PLSCR3: variants seen among roughly 807,000 people sequenced by gnomAD.
PLSCR3 encodes PL scramblase 3.
In PLSCR3, 17 loss-of-function variants were observed where a neutral mutation model predicts 33.7. The observed-to-expected ratio is 0.50, with a 90% CI of 0.35 to 0.76. The LOEUF (loss-of-function observed/expected upper bound fraction) is 0.76, where lower values mean the gene tolerates loss of function less well. Among genes scored for constraint, PLSCR3 ranks in the 30% least tolerant of loss-of-function variants. The pLI is 0.01. For synonymous variants in PLSCR3, 166 were observed against 166.0 expected (o/e 1.00, Z 0.00); for missense variants, 360 against 394.1 (o/e 0.91, Z 0.73).
chr17:7,392,903 G>A lies in PLSCR3; in HGVS notation c.557C>T (p.Thr186Ile), dbSNP rs773919382. The change falls in exon 6 of 8, where the codon ACC (threonine) becomes ATC (isoleucine). Residue 186 changes from threonine to isoleucine, a missense_variant. Coordinates refer to ENST00000619711, the MANE Select transcript of PLSCR3 (RefSeq NM_020360.4). Reference sequence around the variant, plus strand: ...GAACTTGGGGAGGAAGGGATGCCAGGTCTGTAGCACGTGGCCAATGGTGGT... The same window carrying A: ...GAACTTGGGGAGGAAGGGATGCCAGATCTGTAGCACGTGGCCAATGGTGGT... ...PGTTIGHVLQ[T>I]WHPFLPKFSI... The A allele has an allele frequency of 6.2e-7, 1 of 1,614,102 alleles. No homozygotes were observed. Among genetic ancestry groups the A allele is most frequent in the South Asian group, 1.1e-5 (1 of 91,088 alleles).
chr17:7,393,036 C>G, intron 5 of PLSCR3, 84 bp from the exon 6 acceptor site: 1 of 1,513,268 alleles, frequency 6.6e-7, no homozygotes, highest in Non-Finnish European at 8.9e-7. Flanking sequence ...ACTAAACCTC[C>G]CATCCCCACC....
At position 7,393,502 on chromosome 17, in the gene PLSCR3, T is replaced by C. The variant is rs770705569; in HGVS notation, c.251A>G (p.Gln84Arg). Residue 84 changes from glutamine (Q) to arginine (R), a missense_variant, in exon 4 of 8, where the codon CAG (glutamine) becomes CGG (arginine). By Grantham distance (43) the Gln-to-Arg change is conservative. Transcript: ENST00000619711. ...SGLEFLVQID[Q>R]ILIHQKAERV... ...CTCAGCCTTCTGGTGAATCAAAATC[T>C]GATCAATCTGGAAAGAGAGGGGCGG... 3 of 1,614,034 alleles carry C rather than the reference T, an allele frequency of 1.9e-6. No homozygotes were observed. In the African/African-American group the frequency reaches 4.0e-5, roughly 22 times the overall value.
Position 7,390,083 on chromosome 17 carries a change from T to C in PLSCR3, c.*302A>G, listed in dbSNP as rs892796882. On this transcript the variant is annotated 3_prime_UTR_variant, in exon 8 of 8. Transcript: ENST00000619711. ...AGAGTCCTGGGTTCCAGAGGCCTCC[T>C]TTGGAGCAGAGGCCCTGGAAGGGGG... is the stretch of plus-strand genomic sequence containing the variant. 12 of 298,788 alleles carry C rather than the reference T, an allele frequency of 4.0e-5. No individual in the cohort carries two copies. The highest frequency in any genetic ancestry group is 2.8e-4 in the South Asian group (3 of 10,552). The allele number at this position is 298,788 out of a possible 1,614,324, so 18.5% of individuals were successfully genotyped here.
chr17:7,390,130 AGT>A lies in PLSCR3; in HGVS notation c.*253_*254del. ...GGGGTGGGAGAGAGTGCATGGGGAA[AGT>A]GTGAAAGCTGATATGCCTGTGTGCC... On this transcript the variant is annotated 3_prime_UTR_variant, in exon 8 of 8. Coordinates refer to ENST00000619711, the MANE Select transcript of PLSCR3 (RefSeq NM_020360.4). The A allele has an allele frequency of 2.3e-6, 1 of 425,822 alleles. No homozygotes were observed. The highest frequency in any genetic ancestry group is 4.2e-6 in the Non-Finnish European group (1 of 236,446). The allele number at this position is 425,822 out of a possible 1,614,324, so 26.4% of individuals were successfully genotyped here.
In PLSCR3 at chr17:7,391,924, G is replaced by A. The variant is rs868572526; in HGVS notation, c.669+867C>T. 1.3e-5 allele frequency among the ~76,000 whole-genome samples: 2 copies of A among 151,896 alleles called. No individual in the cohort carries two copies. The highest frequency in any genetic ancestry group is 2.9e-5 in the Non-Finnish European group (2 of 67,998). On this transcript the variant is annotated intron_variant, in intron 6 of 7. Transcript: ENST00000619711. The surrounding 1 kb of genome is among the most constrained non-coding windows in gnomAD (Gnocchi z 4.1). ...GGGTCGGTCAGGTGCGGTGGCTCACGCCTGTAATCCCAGCACTTTGGGAGG... is the reference window on the plus strand; with the variant it reads ...GGGTCGGTCAGGTGCGGTGGCTCACACCTGTAATCCCAGCACTTTGGGAGG...
chr17:7,390,525 C>T (rs1469267719), intron 7 of PLSCR3, 84 bp from the exon 8 acceptor site: 2 of 1,564,102 alleles, frequency 1.3e-6, no homozygotes, highest in Admixed American at 1.7e-5. Context: ...ACCTCAACCC[C>T]CACAACACCT....
chr17:7,393,854 C>T lies in PLSCR3; in HGVS notation c.8-18G>A. On this transcript the variant is annotated intron_variant, in intron 2 of 7. Transcript: ENST00000619711. ...CAAGTAGCCTGTAAAGCGGTGGGAGCAGGATAGATTAGAAAGGGACTCAAG... is the reference window on the plus strand; with the variant it reads ...CAAGTAGCCTGTAAAGCGGTGGGAGTAGGATAGATTAGAAAGGGACTCAAG... The T allele has an allele frequency of 7.1e-7, 1 of 1,409,670 alleles. No individual in the cohort carries two copies. The highest frequency in any genetic ancestry group is 9.6e-7 in the Non-Finnish European group (1 of 1,043,566). 87.3% of individuals were successfully genotyped at this position (1,409,670 alleles called of 1,614,324 possible). A position where few individuals can be genotyped will look rare whatever the true frequency, so the allele number is the denominator to read the frequency against.
Position 7,393,324 on chromosome 17 carries a change from G to A in PLSCR3, c.327C>T (p.Arg109=), listed in dbSNP as rs1384453172. 6.2e-7 allele frequency: 1 copy of A among 1,612,088 alleles called. No homozygotes were observed. The highest frequency in any genetic ancestry group is 8.5e-7 in the Non-Finnish European group (1 of 1,179,920). The change falls in exon 5 of 8, where the codon CGC becomes CGT. Residue 109 remains arginine (R), a synonymous_variant. Coordinates refer to ENST00000619711, the MANE Select transcript of PLSCR3 (RefSeq NM_020360.4). ...GWETCNRYEL[R]SGAGQPLGQA... is the part of the protein sequence containing the mutation. Reference sequence around the variant, plus strand: ...GACCCAGGGGCTGCCCGGCCCCAGAGCGCAGTTCATACCGATTACAGGTCT... The same window carrying A: ...GACCCAGGGGCTGCCCGGCCCCAGAACGCAGTTCATACCGATTACAGGTCT...
In PLSCR3 at chr17:7,393,779, G is replaced by T; in HGVS notation, c.65C>A (p.Pro22His). The T allele has an allele frequency of 3.3e-6, 5 of 1,508,528 alleles. No individual in the cohort carries two copies. Among genetic ancestry groups the T allele is most frequent in the Non-Finnish European group, 4.4e-6 (5 of 1,140,612 alleles). 93.4% of individuals were successfully genotyped at this position (1,508,528 alleles called of 1,614,324 possible). Residue 22 changes from proline (P) to histidine (H), a missense_variant, in exon 3 of 8, where the codon CCT becomes CAT. By Grantham distance (77) the Pro-to-His change is moderately conservative. Coordinates refer to ENST00000619711, the MANE Select transcript of PLSCR3 (RefSeq NM_020360.4). ...PSPPPPYPVT[P>H]GYPEPALHPG... Reference sequence around the variant, plus strand: ...ATGTAGCGCCGGCTCCGGGTACCCAGGGGTGACAGGGTAGGGAGGTGGGGG... The same window carrying T: ...ATGTAGCGCCGGCTCCGGGTACCCATGGGTGACAGGGTAGGGAGGTGGGGG...
intron 2 of PLSCR3, 36 bp from the exon 3 acceptor site, chr17:7,393,872 G>C: frequency 7.7e-7 from 1 of 1,292,264 alleles, no homozygotes; most frequent in Non-Finnish European, 1.1e-6. Flanking sequence ...ATTAGAAAGG[G>C]ACTCAAGGCC....
Position 7,392,791 on chromosome 17 carries a change from C to G in PLSCR3, c.669G>C (p.Glu223Asp). 3 of 1,613,852 alleles carry G rather than the reference C, an allele frequency of 1.9e-6. No individual in the cohort carries two copies. The highest frequency in any genetic ancestry group is 2.5e-6 in the Non-Finnish European group (3 of 1,179,960). ...CAAGAGCCTCTAGTATTCCTGATAC[C>G]TCAAAGTTGGTGTCTGTGCCACAGC... Reference protein sequence around the residue: ...TCGCGTDTNFEVKTRDESRSV... With the variant: ...TCGCGTDTNFDVKTRDESRSV... Residue 223 changes from glutamate (E) to aspartate (D), a missense_variant and splice_region_variant, in exon 6 of 8, where the codon GAG becomes GAC. Transcript: ENST00000619711.
intron 2 of PLSCR3, 65 bp from the exon 3 acceptor site, chr17:7,393,901 G>T: frequency 8.6e-7 from 1 of 1,162,218 alleles, no homozygotes; most frequent in Non-Finnish European, 1.2e-6. Flanking sequence ...TTATTCCTCA[G>T]CCCATGGGCC....
At chr17:7,390,513 G>C in intron 7 of PLSCR3, 72 bp from the exon 8 acceptor site, 1 of 1,562,952 alleles carries the variant, frequency 6.4e-7, no homozygotes, top group Non-Finnish European at 8.8e-7. Context: ...GCCAGCTCTA[G>C]AACCTCAACC....
At position 7,390,172 on chromosome 17, in the gene PLSCR3, A is replaced by G. The variant is rs1437174256; in HGVS notation, c.*213T>C. The G allele has an allele frequency of 1.5e-5, 8 of 519,376 alleles. No individual in the cohort carries two copies. The allele number at this position is 519,376 out of a possible 1,614,324, so 32.2% of individuals were successfully genotyped here. A position where few individuals can be genotyped will look rare whatever the true frequency, so the allele number is the denominator to read the frequency against. ...GCCTGTGTGCCGAGGGACTGCTGGG[A>G]CAGTGGTGGGAGGTAGCAGGAGAGC... On this transcript the variant is annotated 3_prime_UTR_variant, in exon 8 of 8. Coordinates refer to ENST00000619711, the MANE Select transcript of PLSCR3 (RefSeq NM_020360.4).
At chr17:7,390,472 C>A in intron 7 of PLSCR3, 31 bp from the exon 8 acceptor site, 4 of 1,584,162 alleles carry the variant, frequency 2.5e-6, no homozygotes, top group African/African-American at 2.7e-5. Context: ...ATGGGAGATC[C>A]GGCTGGGCCA....
Position 7,393,342 on chromosome 17 carries a change from A to G in PLSCR3, c.309T>C (p.Cys103=). ...CCCCAGAGCGCAGTTCATACCGATT[A>G]CAGGTCTCCCAGCCTAGGAACGCTG... ...RVETFLGWET[C]NRYELRSGAG... The change falls in exon 5 of 8, where the codon TGT becomes TGC. Residue 103 remains cysteine (C), a synonymous_variant. Coordinates refer to ENST00000619711, the MANE Select transcript of PLSCR3 (RefSeq NM_020360.4). 1 of 1,612,998 alleles carries G rather than the reference A, an allele frequency of 6.2e-7. No homozygotes were observed. The highest frequency in any genetic ancestry group is 8.5e-7 in the Non-Finnish European group (1 of 1,179,898).
chr17:7,390,673 C>T lies in PLSCR3; in HGVS notation c.792G>A (p.Val264=). The T allele has an allele frequency of 6.2e-7, 1 of 1,614,180 alleles. No homozygotes were observed. Among genetic ancestry groups the T allele is most frequent in the Non-Finnish European group, 8.5e-7 (1 of 1,179,988 alleles). The change falls in exon 7 of 8, where the codon GTG becomes GTA. Residue 264 remains valine (V), a synonymous_variant. Coordinates refer to ENST00000619711, the MANE Select transcript of PLSCR3 (RefSeq NM_020360.4). ...CTCCCAGCAGCACAGCCTTCACCCT[C>T]ACATCCAGGTCCAGCGGGAACTGTA... is the stretch of plus-strand genomic sequence containing the variant. ...FGLQFPLDLD[V]RVKAVLLGAT...
rs1203769995 is a variant in PLSCR3 at position 7,393,194 on chromosome 17, G to A, written c.457C>T (p.Leu153Phe). The A allele has an allele frequency of 5.2e-6, 8 of 1,533,810 alleles. No homozygotes were observed. The Admixed American group carries it at 1.3e-4, about 24-fold the overall frequency. The change falls in exon 5 of 8, where the codon CTC becomes TTC. Residue 153 changes from leucine to phenylalanine, a missense_variant. By Grantham distance (22) the Leu-to-Phe change is conservative. Coordinates refer to ENST00000619711, the MANE Select transcript of PLSCR3 (RefSeq NM_020360.4). Reference sequence around the variant, plus strand: ...CTGCAGCCACAGTGCAGCGGGCGGAGCAAACGCAGCACCTCACGGTCCCCG... The same window carrying A: ...CTGCAGCCACAGTGCAGCGGGCGGAACAAACGCAGCACCTCACGGTCCCCG... ...DPGDREVLRLLRPLHCGCSCC... is the reference protein window; with the variant it reads ...DPGDREVLRLFRPLHCGCSCC...
At position 7,392,957 on chromosome 17, in the gene PLSCR3, G is replaced by A. The variant is rs781273443; in HGVS notation, c.508-5C>T. The stretch of plus-strand genomic sequence containing the variant: ...TGGTGGAGCCTGTACTTCCATCTGG[G>A]AGTGGGAAGCAGACAGGGTCACTGC... On this transcript the variant is annotated splice_region_variant and splice_polypyrimidine_tract_variant and intron_variant, in intron 5 of 7. Transcript: ENST00000619711. 3 of 1,608,670 alleles carry A rather than the reference G, an allele frequency of 1.9e-6. No individual in the cohort carries two copies. The highest frequency in any genetic ancestry group is 2.7e-5 in the African/African-American group (2 of 74,832).
Sources: gnomAD v4.1 joint callset for allele counts (sites outside exome capture counted in the v4.1 genomes callset) on GRCh38, gnomAD v4.1.1 for gene constraint, Gnocchi (gnomAD v3.1) non-coding constraint, MANE v1.5 for transcripts, NCBI Gene and HGNC (gene_info 2026-07-23, HGNC 2026-07-21) for gene names.